PPP2R3A: variants seen among roughly 807,000 people sequenced by gnomAD.
PPP2R3A encodes the protein protein phosphatase 2 regulatory subunit B''alpha, also known as serine/threonine-protein phosphatase 2A regulatory subunit B'' subunit alpha.
PPP2R3A carries 80 observed loss-of-function variants against 106.9 expected under a neutral mutation model. The observed-to-expected ratio is 0.75, with a 90% CI of 0.62 to 0.90. The LOEUF is 0.90. Ranked by LOEUF, PPP2R3A falls within the 40% of genes least tolerant of loss-of-function variation. The pLI, the probability that PPP2R3A is intolerant of heterozygous loss-of-function variation, is 0.00. For missense variants in PPP2R3A, 1,386 were observed against 1,350.4 expected (o/e 1.03, Z -0.41); for synonymous variants, 483 against 468.3 (o/e 1.03, Z -0.41).
chr3:136,090,081 A>T (rs1937057260), intron 9 of PPP2R3A, among the ~76,000 whole-genome samples: 1 of 152,030 alleles, frequency 6.6e-6, no homozygotes. Context: ...TCCTATTTGG[A>T]TGTGTTTTAT....
chr3:136,072,043 C>T (rs35773450), intron 6 of PPP2R3A, among the ~76,000 whole-genome samples: 57,095 of 151,944 alleles, frequency 0.38, 12,706 homozygotes, highest in African/African-American at 0.63. Context: ...TGTCCTGCTT[C>T]ATTTTTCTTC....
At chr3:136,045,865 A>G (rs114830512) in intron 4 of PPP2R3A, among the ~76,000 whole-genome samples, 1,649 of 152,290 alleles carry the variant, frequency 0.011, 24 homozygotes, top group African/African-American at 0.033. Flanking sequence ...GAGAAAACCC[A>G]GTACAGGATT....
intron 3 of PPP2R3A, among the ~76,000 whole-genome samples, chr3:136,035,222 T>C (rs544075806): frequency 6.6e-6 from 1 of 152,208 alleles, no homozygotes; most frequent in Non-Finnish European, 1.5e-5. Context: ...TCAACATTAG[T>C]AGTGAGATAT....
chr3:136,022,986 C>A, intron 2 of PPP2R3A: 1 of 1,581,026 alleles, frequency 6.3e-7, no homozygotes, highest in Middle Eastern at 1.7e-4. Flanking sequence ...TACCTTCCTA[C>A]CTGACAAGAT....
intron 2 of PPP2R3A, among the ~76,000 whole-genome samples, chr3:136,020,863 TC>T (rs1256925593): frequency 1.3e-5 from 2 of 152,114 alleles, no homozygotes; most frequent in African/African-American, 4.8e-5. Context: ...TAAGTGGAGT[TC>T]CTTTGAGAGA....
intron 13 of PPP2R3A, among the ~76,000 whole-genome samples, chr3:136,118,162 C>T (rs527975638): frequency 5.3e-5 from 8 of 152,236 alleles, no homozygotes; most frequent in East Asian, 3.9e-4. Context: ...AAAAGGCCTT[C>T]GACAAAATTC....
intron 5 of PPP2R3A, among the ~76,000 whole-genome samples, chr3:136,054,053 A>G (rs911091632): frequency 6.6e-6 from 1 of 152,170 alleles, no homozygotes; most frequent in African/African-American, 2.4e-5. Context: ...TTGGGGGGGA[A>G]ATAAACGTGG....
At chr3:136,039,698 G>C (rs1381608122) in intron 3 of PPP2R3A, among the ~76,000 whole-genome samples, 1 of 152,126 alleles carries the variant, frequency 6.6e-6, no homozygotes, top group Non-Finnish European at 1.5e-5. Context: ...TACCTAACAG[G>C]CCACGGACTG....
chr3:136,118,750 G>A (rs1348131253), intron 13 of PPP2R3A, among the ~76,000 whole-genome samples: 1 of 152,148 alleles, frequency 6.6e-6, no homozygotes, highest in Non-Finnish European at 1.5e-5. Context: ...AATATTCCAT[G>A]CCCATGGATA....
intron 7 of PPP2R3A, among the ~76,000 whole-genome samples, chr3:136,082,048 C>T (rs1269400005): frequency 2.0e-5 from 3 of 152,192 alleles, no homozygotes; most frequent in East Asian, 3.9e-4. Flanking sequence ...TCCTCCACAG[C>T]ATCCAGCCCT....
At chr3:136,138,358 A>G (rs1224825870) in intron 13 of PPP2R3A, among the ~76,000 whole-genome samples, 1 of 152,230 alleles carries the variant, frequency 6.6e-6, no homozygotes, top group Non-Finnish European at 1.5e-5. Flanking sequence ...TATGCTGTCT[A>G]CATCCACAAT....
At chr3:135,982,832 C>T (rs553503171) in intron 1 of PPP2R3A, among the ~76,000 whole-genome samples, 10 of 151,998 alleles carry the variant, frequency 6.6e-5, no homozygotes, top group African/African-American at 1.2e-4. Context: ...AATTTCCTGC[C>T]GAAATTATGG....
At chr3:136,076,675 G>A (rs1209646860) in intron 6 of PPP2R3A, among the ~76,000 whole-genome samples, 2 of 152,152 alleles carry the variant, frequency 1.3e-5, no homozygotes, top group Non-Finnish European at 2.9e-5. Context: ...GTGGCTGGGC[G>A]CGGTGGCTCA....
At chr3:136,041,519 G>A (rs542634998) in intron 4 of PPP2R3A, among the ~76,000 whole-genome samples, 106 of 152,144 alleles carry the variant, frequency 7.0e-4, no homozygotes, top group Admixed American at 1.5e-3. Context: ...AAAGTGCTGA[G>A]ATTATAGGTG....
intron 6 of PPP2R3A, among the ~76,000 whole-genome samples, chr3:136,072,917 A>G (rs1173272621): frequency 6.6e-6 from 1 of 151,968 alleles, no homozygotes; most frequent in Non-Finnish European, 1.5e-5. Flanking sequence ...TGGACATTCG[A>G]TGGTATTTGG....
chr3:136,034,366 G>C (rs555124609), intron 3 of PPP2R3A, among the ~76,000 whole-genome samples: 1 of 152,286 alleles, frequency 6.6e-6, no homozygotes, highest in East Asian at 1.9e-4. Flanking sequence ...TTAGGGCTAT[G>C]AACTTTTCTC....
chr3:135,987,016 C>A (rs537660074), intron 1 of PPP2R3A, among the ~76,000 whole-genome samples: 44 of 152,248 alleles, frequency 2.9e-4, no homozygotes, highest in African/African-American at 1.0e-3. Context: ...TAAAACTGCT[C>A]TTTTCGGTTA....
In PPP2R3A at chr3:136,044,279, A is replaced by G. The variant is rs72983435; in HGVS notation, c.2366+3317A>G. On this transcript the variant is annotated intron_variant, in intron 4 of 13. Coordinates refer to ENST00000264977, the MANE Select transcript of PPP2R3A (RefSeq NM_002718.5). ...CACAAATGAAGTATACATCTGTTTGATCAAAAACATTTTCTTATTTTTCTT... is the reference window on the plus strand; with the variant it reads ...CACAAATGAAGTATACATCTGTTTGGTCAAAAACATTTTCTTATTTTTCTT... Among the ~76,000 whole-genome samples the G allele has an allele frequency of 6.1e-3, 927 of 152,324 alleles. 8 individuals carry two copies. The highest frequency in any genetic ancestry group is 0.022 in the African/African-American group (906 of 41,574).
At chr3:136,142,091 G>C (rs1320935890) in intron 13 of PPP2R3A, among the ~76,000 whole-genome samples, 1 of 152,204 alleles carries the variant, frequency 6.6e-6, no homozygotes, top group Non-Finnish European at 1.5e-5. Flanking sequence ...ACATAGTTTG[G>C]AAACCACAGG....
Sources: gnomAD v4.1 joint callset for allele counts (sites outside exome capture counted in the v4.1 genomes callset) on GRCh38, gnomAD v4.1.1 for gene constraint, MANE v1.5 for transcripts, NCBI Gene and HGNC (gene_info 2026-07-23, HGNC 2026-07-21) for gene names.